Variants in TTC28 observed in about 807,000 individuals in gnomAD.
TTC28 encodes tetratricopeptide repeat domain 28, also known as tetratricopeptide repeat protein 28.
Under a neutral mutation model 198.0 loss-of-function variants are expected in TTC28, and 61 were observed. The observed-to-expected ratio is 0.31, with a 90% CI of 0.25 to 0.38. TTC28 has a LOEUF of 0.38. Ranked by LOEUF, TTC28 falls within the 10% of genes least tolerant of loss-of-function variation. TTC28 has a pLI of 1.00. For missense variants in TTC28, 2,678 were observed against 3,164.0 expected (o/e 0.85, Z 3.69); for synonymous variants, 1,171 against 1,297.8 (o/e 0.90, Z 2.10).
At chr22:28,039,851 A>G (rs1044844108) in intron 12 of TTC28, among the ~76,000 whole-genome samples, 1 of 151,932 alleles carries the variant, frequency 6.6e-6, no homozygotes, top group African/African-American at 2.4e-5. Context: ...AGACTAATAA[A>G]GAAGAAAAGA....
At chr22:28,241,039 A>T (rs1416203296) in intron 5 of TTC28, among the ~76,000 whole-genome samples, 1 of 152,048 alleles carries the variant, frequency 6.6e-6, no homozygotes, top group Non-Finnish European at 1.5e-5. Flanking sequence ...GTCTCAAAAT[A>T]CCTCCCCACA....
chr22:28,562,334 A>T (rs1341846082), intron 2 of TTC28, among the ~76,000 whole-genome samples: 1 of 152,220 alleles, frequency 6.6e-6, no homozygotes, highest in Non-Finnish European at 1.5e-5. Flanking sequence ...GTATAAAAGT[A>T]TAGGTGTTTG....
chr22:28,317,979 C>T (rs1241635705), intron 2 of TTC28, among the ~76,000 whole-genome samples: 2 of 152,002 alleles, frequency 1.3e-5, no homozygotes, highest in Non-Finnish European at 2.9e-5. Flanking sequence ...TCATGGTTCA[C>T]TGCATCCTTG....
rs780822147 is a variant in TTC28 at position 28,163,106 on chromosome 22, G to A, written c.1427C>T (p.Ala476Val). 2.6e-6 allele frequency: 4 copies of A among 1,549,618 alleles called. No homozygotes were observed. In the South Asian group the frequency reaches 3.6e-5, roughly 14 times the overall value. ...DLKDRAAEGR[A>V]SSNLGIIHQM... ...CCTGTTCTTACCTAGATTGGAGGAT[G>A]CTCGCCCCTCTGCAGCCCGGTCCTT... Residue 476 changes from alanine to valine, a missense_variant, in exon 6 of 23, where the codon GCA (alanine) becomes GTA (valine). Ala to Val is a moderately conservative substitution (Grantham distance 64). This residue lies in a region of TTC28 where 775 missense variants were observed against 845.9 expected (regional missense o/e 0.92). Coordinates refer to ENST00000397906, the MANE Select transcript of TTC28 (RefSeq NM_001145418.2).
chr22:28,094,316 G>T (rs1941906382), intron 11 of TTC28, 71 bp from the exon 12 acceptor site: 2 of 1,417,530 alleles, frequency 1.4e-6, no homozygotes, highest in African/African-American at 1.4e-5. Context: ...GAAGGCAGGG[G>T]ACAGGAATGC....
At chr22:28,163,008 A>T in intron 6 of TTC28, 84 bp downstream of exon 6, 2 of 1,405,822 alleles carry the variant, frequency 1.4e-6, no homozygotes. Flanking sequence ...AAACACACAG[A>T]TTCCTATAAA....
At chr22:28,631,135 A>C (rs1328545071) in intron 1 of TTC28, among the ~76,000 whole-genome samples, 1 of 152,232 alleles carries the variant, frequency 6.6e-6, no homozygotes, top group Non-Finnish European at 1.5e-5. Flanking sequence ...ATCTCTAAAA[A>C]TAAATAAATA....
intron 2 of TTC28, among the ~76,000 whole-genome samples, chr22:28,362,456 C>G (rs2046174297): frequency 6.6e-6 from 1 of 152,128 alleles, no homozygotes. Context: ...TTATCAGCAG[C>G]ATGAAAATGG....
At chr22:28,537,315 A>AT (rs2049308978) in intron 2 of TTC28, among the ~76,000 whole-genome samples, 1 of 145,440 alleles carries the variant, frequency 6.9e-6, no homozygotes, top group South Asian at 2.2e-4. Flanking sequence ...AAATAAAATA[A>AT]AATAAAATAA....
At chr22:28,213,916 T>C (rs979799293) in intron 5 of TTC28, among the ~76,000 whole-genome samples, 6 of 152,152 alleles carry the variant, frequency 3.9e-5, no homozygotes, top group Non-Finnish European at 5.9e-5. Context: ...AGCACGATAC[T>C]GGTACCAAAA....
At chr22:27,983,881 C>CAGTT (rs1487030384) in intron 22 of TTC28, 30 bp from the exon 23 acceptor site, 4 of 1,525,152 alleles carry the variant, frequency 2.6e-6, no homozygotes, top group Non-Finnish European at 3.5e-6. Context: ...GCCCCAAGGA[C>CAGTT]AGTTAGAATT....
chr22:28,312,220 T>G (rs1475779975), intron 2 of TTC28, among the ~76,000 whole-genome samples: 2 of 151,980 alleles, frequency 1.3e-5, no homozygotes, highest in African/African-American at 4.8e-5. Context: ...TAAAGCAAGT[T>G]CTTAGAGACC....
chr22:28,496,637 C>T (rs2146356334), intron 2 of TTC28, among the ~76,000 whole-genome samples: 1 of 152,164 alleles, frequency 6.6e-6, no homozygotes, highest in Non-Finnish European at 1.5e-5. Context: ...AGGTCATCAT[C>T]ATATCTTGTG....
intron 2 of TTC28, among the ~76,000 whole-genome samples, chr22:28,559,349 T>C (rs965580169): frequency 6.6e-6 from 1 of 152,168 alleles, no homozygotes; most frequent in African/African-American, 2.4e-5. Flanking sequence ...CCGAAAGTAC[T>C]CCAGCCACAG....
intron 2 of TTC28, among the ~76,000 whole-genome samples, chr22:28,418,375 T>C (rs1478958072): frequency 2.0e-5 from 3 of 152,220 alleles, no homozygotes; most frequent in African/African-American, 7.2e-5. Flanking sequence ...TCAATCAGCA[T>C]GCATTCCCTT....
chr22:28,144,020 G>A (rs1393743142), intron 6 of TTC28, among the ~76,000 whole-genome samples: 1 of 152,016 alleles, frequency 6.6e-6, no homozygotes, highest in African/African-American at 2.4e-5. Flanking sequence ...AGAGCCTAGT[G>A]GTGCCAGTGG....
intron 2 of TTC28, among the ~76,000 whole-genome samples, chr22:28,350,810 G>A (rs1482773531): frequency 1.3e-5 from 2 of 152,160 alleles, no homozygotes; most frequent in African/African-American, 4.8e-5. Context: ...ATCTTAAAGT[G>A]CCAATCTATG....
At chr22:28,564,628 G>A (rs1017472358) in intron 2 of TTC28, among the ~76,000 whole-genome samples, 2 of 151,692 alleles carry the variant, frequency 1.3e-5, no homozygotes, top group African/African-American at 2.4e-5. Flanking sequence ...ACTATACAGT[G>A]CATTGAGAAT....
At chr22:28,336,046 G>T (rs560505367) in intron 2 of TTC28, among the ~76,000 whole-genome samples, 2 of 152,164 alleles carry the variant, frequency 1.3e-5, no homozygotes, top group Non-Finnish European at 2.9e-5. Context: ...TTTTTAGCAC[G>T]AAGGGCTGTT....
Sources: allele counts gnomAD v4.1 joint callset (sites outside exome capture counted in the v4.1 genomes callset), GRCh38; gene constraint gnomAD v4.1.1; regional missense constraint gnomAD v4.1.1; transcripts MANE v1.5; gene names NCBI Gene and HGNC (gene_info 2026-07-23, HGNC 2026-07-21).